Variants in GOLPH3 observed in about 807,000 individuals in gnomAD.
GOLPH3 encodes golgi phosphoprotein 3, also known as coat protein GPP34.
In GOLPH3, 14 loss-of-function variants were observed where a neutral mutation model predicts 28.5. The observed-to-expected ratio is 0.49, with a 90% CI of 0.32 to 0.77. The LOEUF is 0.77. Ranked by LOEUF, GOLPH3 falls within the 30% of genes least tolerant of loss-of-function variation. The pLI is 0.03. For missense variants in GOLPH3, 350 were observed against 393.7 expected, an observed-to-expected ratio of 0.89 and a Z score of 0.94; for synonymous variants, 158 against 159.2, an observed-to-expected ratio of 0.99 and a Z score of 0.06.
chr5:32,138,542 A>C (rs1745988965), intron 2 of GOLPH3, among the ~76,000 whole-genome samples: 1 of 152,144 alleles, frequency 6.6e-6, no homozygotes, highest in Non-Finnish European at 1.5e-5. Flanking sequence ...CCCGCTCTTA[A>C]ATTTTCTAGT....
chr5:32,140,279 G>T lies in GOLPH3; in HGVS notation c.357+3470C>A, dbSNP rs567833383. On this transcript the variant is annotated intron_variant, in intron 2 of 3. Transcript: ENST00000265070. ...AGCTCTTTGGGAGGACAAGGCACGA[G>T]GATCACTTGAACCCAAGCGTTCAAG... is the stretch of plus-strand genomic sequence containing the variant. Among the ~76,000 whole-genome samples, 8 of 152,074 alleles carry T rather than the reference G, an allele frequency of 5.3e-5. No individual in the cohort carries two copies. In the South Asian group the frequency reaches 1.7e-3, roughly 32 times the overall value.
At chr5:32,152,522 C>A (rs542911956) in intron 1 of GOLPH3, among the ~76,000 whole-genome samples, 6 of 149,096 alleles carry the variant, frequency 4.0e-5, no homozygotes, top group Non-Finnish European at 8.9e-5. Flanking sequence ...GTGGCTCACA[C>A]CTGTAATCCC....
At chr5:32,138,459 A>G (rs948578977) in intron 2 of GOLPH3, among the ~76,000 whole-genome samples, 1 of 152,146 alleles carries the variant, frequency 6.6e-6, no homozygotes, top group African/African-American at 2.4e-5. Context: ...GTATATATAC[A>G]TGAGCCATGT....
intron 1 of GOLPH3, among the ~76,000 whole-genome samples, chr5:32,163,980 A>G (rs961112759): frequency 3.3e-5 from 5 of 152,150 alleles, no homozygotes; most frequent in Non-Finnish European, 7.4e-5. Flanking sequence ...AGCAACTTTT[A>G]CATACAGTTT....
In GOLPH3 at chr5:32,162,801, G is replaced by A. The variant is rs1218101065; in HGVS notation, c.225+11009C>T. On this transcript the variant is annotated intron_variant, in intron 1 of 3. Transcript: ENST00000265070. ...AGAACACAAAAGTAGGCCCATGGCCGGGCGCGGTGGCTCACGCCTGTAATC... is the reference window on the plus strand; with the variant it reads ...AGAACACAAAAGTAGGCCCATGGCCAGGCGCGGTGGCTCACGCCTGTAATC... Among the ~76,000 whole-genome samples the A allele has an allele frequency of 7.2e-5, 11 of 151,796 alleles. No individual in the cohort carries two copies. The East Asian group carries it at 1.9e-3, about 27-fold the overall frequency.
chr5:32,163,110 G>T (rs1224973403), intron 1 of GOLPH3, among the ~76,000 whole-genome samples: 1 of 152,122 alleles, frequency 6.6e-6, no homozygotes, highest in African/African-American at 2.4e-5. Flanking sequence ...GGCCCATTTT[G>T]CCCAGGAGAA....
At chr5:32,132,422 A>G (rs1745843189) in intron 3 of GOLPH3, among the ~76,000 whole-genome samples, 1 of 152,104 alleles carries the variant, frequency 6.6e-6, no homozygotes, top group South Asian at 2.1e-4. Context: ...CTTACCCTTC[A>G]AAGGCCTAAT....
chr5:32,126,769 C>T (rs2111830991), intron 3 of GOLPH3, 133 bp from the exon 4 acceptor site: 2 of 698,988 alleles, frequency 2.9e-6, no homozygotes, highest in East Asian at 5.4e-5. Context: ...GTTTTTCTCC[C>T]TAACTAGACC....
At chr5:32,128,020 T>C (rs1043361376) in intron 3 of GOLPH3, among the ~76,000 whole-genome samples, 1 of 151,778 alleles carries the variant, frequency 6.6e-6, no homozygotes, top group Non-Finnish European at 1.5e-5. Flanking sequence ...GAGTTCAGGG[T>C]AGCTAAGGCA....
At chr5:32,161,888 A>G (rs529668431) in intron 1 of GOLPH3, among the ~76,000 whole-genome samples, 28 of 150,814 alleles carry the variant, frequency 1.9e-4, no homozygotes, top group Admixed American at 3.3e-4. Context: ...TTAGCAGGGC[A>G]TGGTGACGGG....
chr5:32,130,623 G>GA (rs1045378264), intron 3 of GOLPH3, among the ~76,000 whole-genome samples: 6 of 151,406 alleles, frequency 4.0e-5, no homozygotes, highest in Non-Finnish European at 7.4e-5. Context: ...CAACAGAGGG[G>GA]AAAAAAAAGT....
intron 1 of GOLPH3, among the ~76,000 whole-genome samples, chr5:32,147,238 G>T (rs1032357554): frequency 6.6e-6 from 1 of 152,050 alleles, no homozygotes; most frequent in African/African-American, 2.4e-5. Flanking sequence ...GCAAAAAAAA[G>T]GGAATAAACT....
At chr5:32,164,311 T>TC (rs1192983953) in intron 1 of GOLPH3, among the ~76,000 whole-genome samples, 2 of 152,128 alleles carry the variant, frequency 1.3e-5, no homozygotes, top group Non-Finnish European at 2.9e-5. Flanking sequence ...CATTATCTTC[T>TC]CCCCCATGAA....
chr5:32,150,320 CATT>C (rs1222991888), intron 1 of GOLPH3, among the ~76,000 whole-genome samples: 138 of 151,276 alleles, frequency 9.1e-4, no homozygotes, highest in African/African-American at 3.0e-3. Context: ...AAAGTCTCAG[CATT>C]ATTATTAGTT....
At chr5:32,128,205 G>C (rs1448852341) in intron 3 of GOLPH3, among the ~76,000 whole-genome samples, 2 of 152,196 alleles carry the variant, frequency 1.3e-5, no homozygotes, top group African/African-American at 4.8e-5. Flanking sequence ...ACAATTCTAA[G>C]AGTTCAGTAG....
intron 1 of GOLPH3, among the ~76,000 whole-genome samples, chr5:32,169,461 AG>A (rs1240655545): frequency 2.0e-5 from 3 of 152,266 alleles, no homozygotes; most frequent in Non-Finnish European, 4.4e-5. Context: ...TAAAAGCCAA[AG>A]AATACACTTT....
intron 1 of GOLPH3, among the ~76,000 whole-genome samples, chr5:32,157,547 C>T (rs577986186): frequency 6.6e-6 from 1 of 152,216 alleles, no homozygotes; most frequent in Non-Finnish European, 1.5e-5. Flanking sequence ...CTGCATTCAA[C>T]TAGCAAAACT....
intron 1 of GOLPH3, among the ~76,000 whole-genome samples, chr5:32,158,063 G>GACACACAC (rs1746480823): frequency 3.9e-5 from 2 of 51,552 alleles, no homozygotes; most frequent in South Asian, 5.2e-4. Flanking sequence ...CACACACACT[G>GACACACAC]GGCAAAATCA....
rs544126615 is a variant in GOLPH3, at chr5:32,154,398, T to C, written c.226-10518A>G. ...GTTCTAGTGGCAGATCTAATAACTA[T>C]TATAATTCCAATGTAGTAGTGAGCA... On this transcript the variant is annotated intron_variant, in intron 1 of 3. Coordinates refer to ENST00000265070, the MANE Select transcript of GOLPH3 (RefSeq NM_022130.4). Among the ~76,000 whole-genome samples, 4 of 152,328 alleles carry C rather than the reference T, an allele frequency of 2.6e-5. No individual in the cohort carries two copies. The South Asian group carries it at 8.3e-4, about 32-fold the overall frequency.
Sources: gnomAD v4.1 joint callset for allele counts (sites outside exome capture counted in the v4.1 genomes callset) on GRCh38, gnomAD v4.1.1 for gene constraint, MANE v1.5 for transcripts, NCBI Gene and HGNC (gene_info 2026-07-23, HGNC 2026-07-21) for gene names.